The following NTRK2 variants were observed in gnomAD, a reference collection of about 807,000 sequenced individuals.
NTRK2 encodes the protein neurotrophic receptor tyrosine kinase 2.
NTRK2 carries 13 observed loss-of-function variants against 94.5 expected under a neutral mutation model. The observed-to-expected ratio is 0.14, with a 90% CI of 0.09 to 0.22. The LOEUF (loss-of-function observed/expected upper bound fraction) is 0.22, where lower values mean the gene tolerates loss of function less well. Among genes scored for constraint, NTRK2 ranks in the 10% least tolerant of loss-of-function variants. The pLI, the probability that NTRK2 is intolerant of heterozygous loss-of-function variation, is 1.00. For synonymous variants in NTRK2, 372 were observed against 407.4 expected (o/e 0.91, Z 1.05); for missense variants, 639 against 1,071.2 (o/e 0.60, Z 5.63).
intron 12 of NTRK2, chr9:84,812,446 A>G (rs201531429): frequency 1.2e-5 from 13 of 1,053,156 alleles, no homozygotes; most frequent in African/African-American, 1.7e-5. Flanking sequence ...CTGGCCCCCA[A>G]TGTGGGGAGG....
At chr9:84,676,595 G>A (rs946770384) in intron 2 of NTRK2, among the ~76,000 whole-genome samples, 22 of 152,278 alleles carry the variant, frequency 1.4e-4, no homozygotes, top group Admixed American at 9.8e-4. Context: ...GAAAGTTGCC[G>A]AAGGCCGACT....
At chr9:84,872,114 A>C in intron 14 of NTRK2, 1 of 1,306,892 alleles carries the variant, frequency 7.7e-7, no homozygotes, top group Non-Finnish European at 9.8e-7. Flanking sequence ...TCAAGTCTGG[A>C]GTTGGTCTTT....
intron 12 of NTRK2, among the ~76,000 whole-genome samples, chr9:84,848,861 G>A (rs1448945211): frequency 6.6e-6 from 1 of 152,154 alleles, no homozygotes; most frequent in African/African-American, 2.4e-5. Context: ...AAAAATATGA[G>A]ACATCATCTT....
intron 17 of NTRK2, among the ~76,000 whole-genome samples, chr9:84,990,518 G>T (rs574678220): frequency 6.2e-4 from 94 of 152,306 alleles, no homozygotes; most frequent in African/African-American, 2.2e-3. Flanking sequence ...CGAGCTTCTA[G>T]CCCTGGCTTG....
intron 17 of NTRK2, among the ~76,000 whole-genome samples, chr9:85,016,270 G>A (rs1216938428): frequency 6.6e-6 from 1 of 152,168 alleles, no homozygotes; most frequent in Non-Finnish European, 1.5e-5. Context: ...AGCAGCACAA[G>A]AACTAGAACT....
chr9:84,839,876 C>T (rs546088936), intron 12 of NTRK2, among the ~76,000 whole-genome samples: 6 of 152,250 alleles, frequency 3.9e-5, no homozygotes, highest in African/African-American at 9.6e-5. Flanking sequence ...GGATGAAGGA[C>T]TCTGGGAAGC....
intron 15 of NTRK2, among the ~76,000 whole-genome samples, chr9:84,940,638 G>T (rs2078375809): frequency 6.6e-6 from 1 of 152,002 alleles, no homozygotes; most frequent in Admixed American, 6.6e-5. Context: ...GCCACCTCTG[G>T]GAACAGAAGC....
chr9:84,691,589 AG>A (rs1244581704), intron 2 of NTRK2, among the ~76,000 whole-genome samples: 2 of 152,174 alleles, frequency 1.3e-5, no homozygotes, highest in African/African-American at 2.4e-5. Context: ...CCTTTTATAA[AG>A]ACCAAGCAGC....
chr9:84,737,268 A>AT lies in NTRK2; in HGVS notation c.1160-4615dup, dbSNP rs574325597. 3.8e-3 allele frequency among the ~76,000 whole-genome samples: 582 copies of AT among 151,602 alleles called. 5 individuals carry two copies. The highest frequency in any genetic ancestry group is 0.013 in the African/African-American group (538 of 41,342). ...CAGGCTACCTCTCTTCCCACAATATATTTTTTTTTATCCAACAAACCTGTT... is the reference window on the plus strand; with the variant it reads ...CAGGCTACCTCTCTTCCCACAATATATTTTTTTTTTATCCAACAAACCTGTT... On this transcript the variant is annotated intron_variant, in intron 9 of 18. Transcript: ENST00000277120.
At chr9:85,011,245 T>C (rs962266611) in intron 17 of NTRK2, among the ~76,000 whole-genome samples, 2 of 152,086 alleles carry the variant, frequency 1.3e-5, no homozygotes, top group South Asian at 4.2e-4. Flanking sequence ...TATGAAGATC[T>C]GATAAAGGGC....
intron 3 of NTRK2, 35 bp from the exon 4 acceptor site, chr9:84,702,313 C>T (rs200129155): frequency 1.4e-5 from 23 of 1,610,392 alleles, no homozygotes; most frequent in South Asian, 4.4e-5. Flanking sequence ...TTCACTGGTT[C>T]GTTCTAATGT....
chr9:84,707,819 G>A, intron 4 of NTRK2, 25 bp from the exon 5 acceptor site: 2 of 1,574,626 alleles, frequency 1.3e-6, no homozygotes, highest in African/African-American at 1.3e-5. Flanking sequence ...TTAAATTCAT[G>A]TTTAATGTTT....
chr9:84,905,502 A>T (rs578168335), intron 14 of NTRK2, among the ~76,000 whole-genome samples: 1 of 152,344 alleles, frequency 6.6e-6, no homozygotes, highest in East Asian at 1.9e-4. Context: ...TTTTAGGCTC[A>T]TTCATGGGTC....
intron 12 of NTRK2, among the ~76,000 whole-genome samples, chr9:84,779,785 T>A (rs1035751301): frequency 6.6e-6 from 1 of 152,218 alleles, no homozygotes; most frequent in East Asian, 1.9e-4. Context: ...AGTGAGCAAG[T>A]TTGAAGAACT....
At chr9:84,809,518 C>G (rs1381843052) in intron 12 of NTRK2, among the ~76,000 whole-genome samples, 1 of 150,676 alleles carries the variant, frequency 6.6e-6, no homozygotes, top group East Asian at 1.9e-4. Context: ...TACTACATCT[C>G]CATATGTGTC....
At chr9:84,953,683 C>T (rs1342023026) in intron 16 of NTRK2, among the ~76,000 whole-genome samples, 1 of 152,180 alleles carries the variant, frequency 6.6e-6, no homozygotes, top group East Asian at 1.9e-4. Context: ...ACAGGAAACT[C>T]CTCCCCAGGG....
intron 4 of NTRK2, among the ~76,000 whole-genome samples, chr9:84,703,465 T>A (rs2060854314): frequency 6.6e-6 from 1 of 152,168 alleles, no homozygotes; most frequent in African/African-American, 2.4e-5. Flanking sequence ...GTTCTTACAA[T>A]AAGAGCACAG....
At position 84,710,686 on chromosome 9, in the gene NTRK2, A is replaced by C. The variant is rs2061371491; in HGVS notation, c.478A>C (p.Lys160Gln). ...ATGCTCCTGTGACATTATGTGGATCAAGACTCTCCAAGAGGCTAAATCCAG... is the reference window on the plus strand; with the variant it reads ...ATGCTCCTGTGACATTATGTGGATCCAGACTCTCCAAGAGGCTAAATCCAG... ...FTCSCDIMWI[K>Q]TLQEAKSSPD... Residue 160 changes from lysine (K) to glutamine (Q), a missense_variant, in exon 6 of 19, where the codon AAG (lysine) becomes CAG (glutamine). Coordinates refer to ENST00000277120, the MANE Select transcript of NTRK2 (RefSeq NM_006180.6). The C allele has an allele frequency of 1.2e-6, 2 of 1,614,162 alleles. No individual in the cohort carries two copies. The highest frequency in any genetic ancestry group is 1.7e-6 in the Non-Finnish European group (2 of 1,180,010).
At chr9:84,704,364 G>A (rs1475178403) in intron 4 of NTRK2, among the ~76,000 whole-genome samples, 2 of 151,420 alleles carry the variant, frequency 1.3e-5, no homozygotes, top group Non-Finnish European at 2.9e-5. Flanking sequence ...CAGTAGCTGG[G>A]ACTACAGGCA....
Sources: gnomAD v4.1 joint callset for allele counts (sites outside exome capture counted in the v4.1 genomes callset) on GRCh38, gnomAD v4.1.1 for gene constraint, MANE v1.5 for transcripts, NCBI Gene and HGNC (gene_info 2026-07-23, HGNC 2026-07-21) for gene names.